Variants in PFKFB2 observed in about 807,000 individuals in gnomAD.
The protein encoded by PFKFB2 is 6-phosphofructo-2-kinase/fructose-2,6-bisphosphatase 2.
In PFKFB2, 53 loss-of-function variants were observed where a neutral mutation model predicts 68.0. That is an observed-to-expected ratio of 0.78 (90% confidence interval 0.63 to 0.98). The LOEUF is 0.98. Among genes scored for constraint, PFKFB2 ranks in the 50% least tolerant of loss-of-function variants. The pLI, the probability that PFKFB2 is intolerant of heterozygous loss-of-function variation, is 0.00. For missense variants in PFKFB2, 451 were observed against 642.0 expected (o/e 0.70, Z 3.22); for synonymous variants, 222 against 227.6 (o/e 0.98, Z 0.22).
At chr1:207,043,677 G>A (rs964397686) in intron 2 of PFKFB2, among the ~76,000 whole-genome samples, 10 of 152,130 alleles carry the variant, frequency 6.6e-5, no homozygotes. Context: ...CTTTCGTTAA[G>A]GAGAAATACC....
At position 207,065,131 on chromosome 1, in the gene PFKFB2, C is replaced by G. The variant is rs1446115288; in HGVS notation, c.603C>G (p.Tyr201Ter). 1.2e-6 allele frequency: 2 copies of G among 1,613,942 alleles called. No individual in the cohort carries two copies. Among genetic ancestry groups the G allele is most frequent in the Non-Finnish European group, 1.7e-6 (2 of 1,179,936 alleles). ...GAATTGAATGCTACAAAGTTACCTA[C>G]CGACCTCTTGACCCAGACAACTATG... ...LKRIECYKVT[Y>*]RPLDPDNYDK... is the part of the protein sequence containing the mutation. Residue 201 changes from tyrosine to a stop codon, truncating the protein, a stop_gained, in exon 8 of 15, where the codon TAC (tyrosine) becomes TAG (stop). Transcript: ENST00000367080. LOFTEE classifies it high-confidence loss of function.
chr1:207,063,701 G>T lies in PFKFB2; in HGVS notation c.451-72G>T. ...GGAGATGTGGTGGCTGGGTGGGGTA[G>T]ATGAGCATGTGCTCTTAATTAACAG... is the stretch of plus-strand genomic sequence containing the variant. On this transcript the variant is annotated intron_variant, in intron 6 of 14. Transcript: ENST00000367080. This position sits in a 1 kb window ranked among gnomAD's most constrained non-coding sequence, Gnocchi z 4.1. The T allele has an allele frequency of 7.9e-7, 1 of 1,264,718 alleles. No individual in the cohort carries two copies. 78.3% of individuals were successfully genotyped at this position (1,264,718 alleles called of 1,614,324 possible).
chr1:207,038,464 T>C (rs1015598217), intron 1 of PFKFB2, among the ~76,000 whole-genome samples: 8 of 152,260 alleles, frequency 5.3e-5, no homozygotes, highest in African/African-American at 1.4e-4. Flanking sequence ...CTGTTTATCA[T>C]ACTGTGACCA....
rs987862313 is a variant in PFKFB2, at chr1:207,070,527, C to T, written c.1222+118C>T. 3 of 1,138,112 alleles carry T rather than the reference C, an allele frequency of 2.6e-6. No homozygotes were observed. Among genetic ancestry groups the T allele is most frequent in the African/African-American group, 1.5e-5 (1 of 64,642 alleles). 70.5% of individuals were successfully genotyped at this position (1,138,112 alleles called of 1,614,324 possible). ...CTCCACTCAAATTAGAGTACTTTCT[C>T]CAGACAGCAGTGTGGGGCTCCCAGC... is the stretch of plus-strand genomic sequence containing the variant. On this transcript the variant is annotated intron_variant, in intron 12 of 14. Coordinates refer to ENST00000367080, the MANE Select transcript of PFKFB2 (RefSeq NM_006212.2). This position sits in a 1 kb window ranked among gnomAD's most constrained non-coding sequence, Gnocchi z 4.2.
intron 1 of PFKFB2, among the ~76,000 whole-genome samples, chr1:207,053,904 ATTT>A (rs574695365): frequency 7.8e-4 from 76 of 97,892 alleles, no homozygotes; most frequent in African/African-American, 1.5e-3. Flanking sequence ...TTCATTTTTC[ATTT>A]TTTTTTTTTT....
upstream of PFKFB2, chr1:207,050,988 C>T: frequency 6.5e-7 from 1 of 1,532,372 alleles, no homozygotes; most frequent in East Asian, 2.5e-5. Context: ...AAACCAGGCG[C>T]CGGGTGGACT....
intron 2 of PFKFB2, chr1:207,045,598 A>G (rs991738064): frequency 4.8e-5 from 6 of 125,840 alleles, no homozygotes; most frequent in Admixed American, 4.5e-4. Flanking sequence ...CTGATTTGTC[A>G]AAAAAAAAAA....
rs554119929 is a variant in PFKFB2, at chr1:207,071,986, G to T, written c.1351-218G>T. 3.9e-5 allele frequency among the ~76,000 whole-genome samples: 6 copies of T among 152,264 alleles called. 1 individual carries two copies. The South Asian group carries it at 1.2e-3, about 32-fold the overall frequency. ...TCAATAAGCCCCTTCCTTTCTTTGG[G>T]TCTTTTTCCTGCTTTGGAATGTTAT... On this transcript the variant is annotated intron_variant, in intron 14 of 14. Coordinates refer to ENST00000367080, the MANE Select transcript of PFKFB2 (RefSeq NM_006212.2).
Position 207,063,709 on chromosome 1 carries a change from T to C in PFKFB2, c.451-64T>C. On this transcript the variant is annotated intron_variant, in intron 6 of 14. Transcript: ENST00000367080. The surrounding 1 kb of genome is among the most constrained non-coding windows in gnomAD (Gnocchi z 4.1). ...GGTGGCTGGGTGGGGTAGATGAGCA[T>C]GTGCTCTTAATTAACAGCCTGGCAT... is the stretch of plus-strand genomic sequence containing the variant. 2 of 1,346,918 alleles carry C rather than the reference T, an allele frequency of 1.5e-6. No homozygotes were observed. The highest frequency in any genetic ancestry group is 2.1e-6 in the Non-Finnish European group (2 of 936,012). The allele number at this position is 1,346,918 out of a possible 1,614,324, so 83.4% of individuals were successfully genotyped here.
At chr1:207,049,221 A>AG, upstream of PFKFB2, 1 of 1,614,168 alleles carries the variant, frequency 6.2e-7, no homozygotes. Context: ...AAATGGTCAG[A>AG]GGAGGTGTAT....
At chr1:207,038,913 T>C (rs1682429867) in intron 1 of PFKFB2, among the ~76,000 whole-genome samples, 1 of 152,228 alleles carries the variant, frequency 6.6e-6, no homozygotes, top group Admixed American at 6.5e-5. Flanking sequence ...GAAATGTTTA[T>C]TAAATGAATT....
At chr1:207,062,491 G>A in intron 3 of PFKFB2, 129 bp from the exon 4 acceptor site, 1 of 1,409,202 alleles carries the variant, frequency 7.1e-7, no homozygotes, top group Non-Finnish European at 9.7e-7. Flanking sequence ...ATCTGATATT[G>A]TTCCCAACCT....
chr1:207,035,723 G>A (rs1682365009), intron 1 of PFKFB2, among the ~76,000 whole-genome samples: 1 of 151,900 alleles, frequency 6.6e-6, no homozygotes, highest in Non-Finnish European at 1.5e-5. Context: ...TGATTCTACA[G>A]GCTGTACAGG....
intron 2 of PFKFB2, among the ~76,000 whole-genome samples, chr1:207,061,165 T>TTATTTATA (rs1683097815): frequency 4.4e-5 from 2 of 45,208 alleles, no homozygotes; most frequent in Admixed American, 4.8e-4. Context: ...ATATATATCT[T>TTATTTATA]TATATATATA....
At position 207,070,914 on chromosome 1, in the gene PFKFB2, T is replaced by C. The variant is rs1252955994; in HGVS notation, c.1223-274T>C. 4.8e-6 allele frequency: 2 copies of C among 417,310 alleles called. No homozygotes were observed. The highest frequency in any genetic ancestry group is 4.1e-5 in the African/African-American group (2 of 49,276). The allele number at this position is 417,310 out of a possible 1,614,324, so 25.9% of individuals were successfully genotyped here. ...GGTCAGACCTTATTGGCCTTTGCTG[T>C]ACCCAGGTGACCCCCTTCCATTGGG... is the stretch of plus-strand genomic sequence containing the variant. On this transcript the variant is annotated intron_variant, in intron 12 of 14. Coordinates refer to ENST00000367080, the MANE Select transcript of PFKFB2 (RefSeq NM_006212.2). The surrounding 1 kb of genome is among the most constrained non-coding windows in gnomAD (Gnocchi z 4.2).
chr1:207,076,121 G>T lies in PFKFB2; in HGVS notation c.*3750G>T, dbSNP rs1683615138. Reference sequence around the variant, plus strand: ...ATATTTGTACCCCTAGACTGAATGGGTGAGTATTCCATATGAGGATCTGGG... The same window carrying T: ...ATATTTGTACCCCTAGACTGAATGGTTGAGTATTCCATATGAGGATCTGGG... On this transcript the variant is annotated 3_prime_UTR_variant, in exon 15 of 15. Transcript: ENST00000367080. 6.1e-6 allele frequency: 6 copies of T among 985,352 alleles called. No individual in the cohort carries two copies. The highest frequency in any genetic ancestry group is 5.2e-4 in the Middle Eastern group (1 of 1,912). 61.0% of individuals were successfully genotyped at this position (985,352 alleles called of 1,614,324 possible).
At position 207,072,367 on chromosome 1, in the gene PFKFB2, A is replaced by G; in HGVS notation, c.1514A>G (p.Asp505Gly). 7 of 1,612,876 alleles carry G rather than the reference A, an allele frequency of 4.3e-6. No individual in the cohort carries two copies. Among genetic ancestry groups the G allele is most frequent in the Non-Finnish European group, 5.9e-6 (7 of 1,179,450 alleles). Residue 505 changes from aspartate (D) to glycine (G), a missense_variant, in exon 15 of 15, where the codon GAC (aspartate) becomes GGC (glycine). Asp to Gly is a moderately conservative substitution (Grantham distance 94, BLOSUM62 -1). Coordinates refer to ENST00000367080, the MANE Select transcript of PFKFB2 (RefSeq NM_006212.2). ...GCCCAGGACATGCAAGAAGGGGCCG[A>G]CTAGCCGAAGACCCAAGTCAGCATT... is the stretch of plus-strand genomic sequence containing the variant. ...LRAQDMQEGA[D>G]
chr1:207,043,838 A>G (rs1682529903), intron 2 of PFKFB2: 1 of 152,624 alleles, frequency 6.6e-6, no homozygotes, highest in Admixed American at 6.5e-5. Context: ...ATCCCAAAAT[A>G]TACTCAAACA....
chr1:207,037,709 C>T (rs2102313307), intron 1 of PFKFB2, among the ~76,000 whole-genome samples: 1 of 152,322 alleles, frequency 6.6e-6, no homozygotes, highest in African/African-American at 2.4e-5. Flanking sequence ...TATTCCACAT[C>T]ACCAATTCTT....
Sources: allele counts gnomAD v4.1 joint callset (sites outside exome capture counted in the v4.1 genomes callset), GRCh38; gene constraint gnomAD v4.1.1; non-coding constraint Gnocchi (gnomAD v3.1); transcripts MANE v1.5; gene names NCBI Gene and HGNC (gene_info 2026-07-23, HGNC 2026-07-21).